C1orf94: variants seen among roughly 807,000 people sequenced by gnomAD.
The protein encoded by C1orf94 is uncharacterized protein C1orf94.
Under a neutral mutation model 53.6 loss-of-function variants are expected in C1orf94, and 45 were observed. The ratio of observed to expected loss-of-function variants is 0.84; its 90% CI spans 0.66 to 1.08. C1orf94 has a LOEUF of 1.08. Ranked by LOEUF, C1orf94 falls within the 50% of genes least tolerant of loss-of-function variation. C1orf94 has a pLI of 0.00. For synonymous variants in C1orf94, 304 were observed against 296.1 expected (o/e 1.03, Z -0.27); for missense variants, 762 against 738.9 (o/e 1.03, Z -0.36).
chr1:34,203,032 A>G (rs1286417357), intron 4 of C1orf94, among the ~76,000 whole-genome samples: 1 of 152,260 alleles, frequency 6.6e-6, no homozygotes, highest in Non-Finnish European at 1.5e-5. Context: ...TGCAAATACT[A>G]TGCCATTTTA....
chr1:34,207,261 GGGTGTGT>G (rs1248810324), intron 4 of C1orf94, among the ~76,000 whole-genome samples: 90 of 79,084 alleles, frequency 1.1e-3, no homozygotes, highest in African/African-American at 3.6e-3. Context: ...CAGTTCTGCG[GGGTGTGT>G]GTGTGTGTGT....
In C1orf94 at chr1:34,201,434, G is replaced by A. The variant is rs11807190; in HGVS notation, c.1270+402G>A. ...CTTTTCCCAAAAGGATGCCAATAAG[G>A]GGAAACTGAGGACCCATTTCTGATT... is the stretch of plus-strand genomic sequence containing the variant. On this transcript the variant is annotated intron_variant, in intron 3 of 6. Coordinates refer to ENST00000488417, the MANE Select transcript of C1orf94 (RefSeq NM_001134734.2). 6.5e-3 allele frequency among the ~76,000 whole-genome samples: 993 copies of A among 152,244 alleles called. 10 individuals are homozygous for A. The highest frequency in any genetic ancestry group is 0.023 in the African/African-American group (954 of 41,530).
At chr1:34,191,160 A>C (rs1221390533) in intron 1 of C1orf94, among the ~76,000 whole-genome samples, 1 of 152,190 alleles carries the variant, frequency 6.6e-6, no homozygotes, top group African/African-American at 2.4e-5. Flanking sequence ...TTAGGATGAG[A>C]GGGAACTACC....
In C1orf94 at chr1:34,212,204, G is replaced by T; in HGVS notation, c.1525-6G>T. The T allele has an allele frequency of 6.2e-7, 1 of 1,605,520 alleles. No homozygotes were observed. Among genetic ancestry groups the T allele is most frequent in the South Asian group, 1.1e-5 (1 of 89,586 alleles). ...ACCTCACCCCTCTCTTCTCTGTGATGTGCAGGTGATGCCATACAACCCACA... is the reference window on the plus strand; with the variant it reads ...ACCTCACCCCTCTCTTCTCTGTGATTTGCAGGTGATGCCATACAACCCACA... On this transcript the variant is annotated splice_region_variant and splice_polypyrimidine_tract_variant and intron_variant, in intron 5 of 6. Coordinates refer to ENST00000488417, the MANE Select transcript of C1orf94 (RefSeq NM_001134734.2).
At chr1:34,174,895 A>G (rs997355470), upstream of C1orf94, among the ~76,000 whole-genome samples, 2 of 152,248 alleles carry the variant, frequency 1.3e-5, no homozygotes, top group African/African-American at 4.8e-5. Flanking sequence ...GAGAATATGT[A>G]TTTAATGATA....
chr1:34,202,010 T>C (rs981446040), intron 3 of C1orf94, 74 bp from the exon 4 acceptor site: 86 of 1,481,390 alleles, frequency 5.8e-5, no homozygotes, highest in Non-Finnish European at 7.5e-5. Context: ...CCTAAGGAAG[T>C]TGCGATGCTG....
intron 1 of C1orf94, among the ~76,000 whole-genome samples, chr1:34,188,435 GGA>G (rs1447718036): frequency 6.6e-6 from 1 of 152,130 alleles, no homozygotes; most frequent in Non-Finnish European, 1.5e-5. Context: ...TGGCATTCAG[GGA>G]GCTGAGAGAT....
intron 2 of C1orf94, among the ~76,000 whole-genome samples, chr1:34,199,885 C>A (rs1438580479): frequency 6.6e-6 from 1 of 152,222 alleles, no homozygotes; most frequent in African/African-American, 2.4e-5. Context: ...CTCCCCAATA[C>A]CCCTGGATGT....
chr1:34,179,066 G>A (rs1642275024), intron 1 of C1orf94, among the ~76,000 whole-genome samples: 2 of 152,248 alleles, frequency 1.3e-5, no homozygotes, highest in Non-Finnish European at 2.9e-5. Flanking sequence ...GAGTTGGGGA[G>A]CCATTCAGGC....
At chr1:34,203,156 G>C (rs1202571563) in intron 4 of C1orf94, among the ~76,000 whole-genome samples, 1 of 151,914 alleles carries the variant, frequency 6.6e-6, no homozygotes, top group Non-Finnish European at 1.5e-5. Flanking sequence ...TATTTTATTT[G>C]AGACAGAGTC....
At chr1:34,186,324 A>G (rs1426398850) in intron 1 of C1orf94, among the ~76,000 whole-genome samples, 1 of 152,238 alleles carries the variant, frequency 6.6e-6, no homozygotes, top group Non-Finnish European at 1.5e-5. Context: ...ATGAAATGAT[A>G]TATGTAGAGC....
chr1:34,178,176 G>T, intron 1 of C1orf94, 67 bp downstream of exon 1: 3 of 1,471,274 alleles, frequency 2.0e-6, no homozygotes, highest in South Asian at 2.7e-5. Flanking sequence ...CCTTCTGGGG[G>T]AATGTTCTGG....
intron 1 of C1orf94, among the ~76,000 whole-genome samples, chr1:34,169,967 T>A (rs748925341): frequency 6.6e-6 from 1 of 152,212 alleles, no homozygotes; most frequent in Admixed American, 6.5e-5. Flanking sequence ...CCTAGGCCAT[T>A]CCTCTAGTGC....
intron 4 of C1orf94, among the ~76,000 whole-genome samples, chr1:34,206,020 T>C (rs1261089538): frequency 1.3e-5 from 2 of 152,218 alleles, no homozygotes; most frequent in African/African-American, 4.8e-5. Context: ...GTTGAAGTCA[T>C]GCAGTGTTTT....
In C1orf94 at chr1:34,201,043, C is replaced by T. The variant is rs1642699078; in HGVS notation, c.1270+11C>T. ...GGCCGGAGCTGAAATGTGAGCTGAC[C>T]TACCCAGGGAGGGATTGGAGGGGAG... On this transcript the variant is annotated intron_variant, in intron 3 of 6. Coordinates refer to ENST00000488417, the MANE Select transcript of C1orf94 (RefSeq NM_001134734.2). 6.4e-7 allele frequency: 1 copy of T among 1,573,736 alleles called. No homozygotes were observed.
chr1:34,202,052 C>G (rs1469250184), intron 3 of C1orf94, 32 bp from the exon 4 acceptor site: 1 of 1,604,020 alleles, frequency 6.2e-7, no homozygotes, highest in East Asian at 2.2e-5. Context: ...GCCTCCATCA[C>G]TGACCCGCTT....
chr1:34,185,097 G>C (rs761228024), intron 1 of C1orf94, among the ~76,000 whole-genome samples: 36 of 152,248 alleles, frequency 2.4e-4, no homozygotes, highest in Non-Finnish European at 4.7e-4. Flanking sequence ...CAGAGACCCC[G>C]TGGGCCACAA....
Position 34,177,282 on chromosome 1 carries a change from G to T in C1orf94, c.-508G>T, listed in dbSNP as rs1484737108. On this transcript the variant is annotated 5_prime_UTR_variant, in exon 1 of 7. Coordinates refer to ENST00000488417, the MANE Select transcript of C1orf94 (RefSeq NM_001134734.2). Reference sequence around the variant, plus strand: ...CGCTCGCTCTGCGAGGGGCTCCCTGGGAACGCCCAGGCGAGCGCCTCCTGC... The same window carrying T: ...CGCTCGCTCTGCGAGGGGCTCCCTGTGAACGCCCAGGCGAGCGCCTCCTGC... Among the ~76,000 whole-genome samples the T allele has an allele frequency of 6.6e-6, 1 of 152,216 alleles. No individual in the cohort carries two copies. Among genetic ancestry groups the T allele is most frequent in the Non-Finnish European group, 1.5e-5 (1 of 68,024 alleles).
In C1orf94 at chr1:34,191,412, AC is replaced by A. The variant is rs150039810; in HGVS notation, c.321-5811del. On this transcript the variant is annotated intron_variant, in intron 1 of 6. Coordinates refer to ENST00000488417, the MANE Select transcript of C1orf94 (RefSeq NM_001134734.2). ...TTCCTTTAGGACAGCCCTCTCCCTG[AC>A]CTCCCCCACCCCCATTAAACGGTGG... 6.9e-3 allele frequency among the ~76,000 whole-genome samples: 1,040 copies of A among 151,736 alleles called. 13 individuals carry two copies. The highest frequency in any genetic ancestry group is 0.024 in the African/African-American group (994 of 41,274).
Sources: allele counts gnomAD v4.1 joint callset (sites outside exome capture counted in the v4.1 genomes callset), GRCh38; gene constraint gnomAD v4.1.1; transcripts MANE v1.5; gene names NCBI Gene and HGNC (gene_info 2026-07-23, HGNC 2026-07-21).